RARB: variants seen among roughly 807,000 people sequenced by gnomAD.
RARB encodes retinoic acid receptor beta.
RARB carries 17 observed loss-of-function variants against 51.9 expected under a neutral mutation model. That is an observed-to-expected ratio of 0.33 (90% CI 0.22 to 0.49). The LOEUF (loss-of-function observed/expected upper bound fraction) is 0.49, where lower values mean the gene tolerates loss of function less well. Ranked by LOEUF, RARB falls within the 20% of genes least tolerant of loss-of-function variation. The pLI is 0.99. For missense variants in RARB, 369 were observed against 550.8 expected (o/e 0.67, Z 3.30); for synonymous variants, 215 against 195.4 (o/e 1.10, Z -0.84).
chr3:25,529,619 A>T (rs1392583249), intron 3 of RARB, among the ~76,000 whole-genome samples: 1 of 152,150 alleles, frequency 6.6e-6, no homozygotes, highest in Admixed American at 6.5e-5. Flanking sequence ...GGAAAACATG[A>T]TATGCTTTGT....
intron 5 of RARB, among the ~76,000 whole-genome samples, chr3:25,202,874 A>G (rs980708003): frequency 2.1e-4 from 32 of 152,194 alleles, no homozygotes; most frequent in Non-Finnish European, 3.1e-4. Context: ...CAATTTTGGA[A>G]TAACTGCAAT....
chr3:25,182,965 A>G (rs190553268), intron 5 of RARB, among the ~76,000 whole-genome samples: 18 of 152,102 alleles, frequency 1.2e-4, no homozygotes, highest in African/African-American at 4.1e-4. Context: ...ACCAGGAGCT[A>G]GGAGAGAGAC....
intron 3 of RARB, among the ~76,000 whole-genome samples, chr3:25,078,049 T>C (rs1450861884): frequency 2.6e-5 from 4 of 152,290 alleles, no homozygotes; most frequent in African/African-American, 7.2e-5. Context: ...CCAGAGTTTA[T>C]ACATTCTAGA....
chr3:25,258,308 A>G (rs986717719), intron 5 of RARB, among the ~76,000 whole-genome samples: 4 of 152,140 alleles, frequency 2.6e-5, no homozygotes, highest in African/African-American at 7.2e-5. Flanking sequence ...TAATCACCCC[A>G]AAGTGATGAT....
At chr3:25,147,789 G>A (rs1295766491) in intron 4 of RARB, among the ~76,000 whole-genome samples, 8 of 152,208 alleles carry the variant, frequency 5.3e-5, no homozygotes, top group Non-Finnish European at 1.2e-4. Context: ...CTGGACATGT[G>A]ACATGGTTCT....
intron 2 of RARB, among the ~76,000 whole-genome samples, chr3:24,945,597 A>T (rs974973854): frequency 2.0e-5 from 3 of 152,224 alleles, no homozygotes; most frequent in African/African-American, 7.2e-5. Context: ...CTGAAGAAAG[A>T]TGACTTCTTT....
intron 5 of RARB, among the ~76,000 whole-genome samples, chr3:25,175,353 A>G (rs1700722743): frequency 6.6e-6 from 1 of 152,228 alleles, no homozygotes; most frequent in African/African-American, 2.4e-5. Context: ...ATTTAACAAC[A>G]GGCATCCACA....
chr3:25,326,839 T>A lies in RARB; in HGVS notation c.179-134354T>A, dbSNP rs28735707. 9.6e-4 allele frequency among the ~76,000 whole-genome samples: 142 copies of A among 148,326 alleles called. 1 individual carries two copies. The highest frequency in any genetic ancestry group is 1.2e-3 in the Admixed American group (18 of 14,872). On this transcript the variant is annotated intron_variant, in intron 5 of 11. Coordinates refer to the RARB transcript ENST00000383772. The stretch of plus-strand genomic sequence containing the variant: ...AAAAAGACACAGGGATTTTTTTTTT[T>A]AATTTTATTATTATTATACTTTAAC...
At chr3:25,152,495 G>T (rs1700303371) in intron 4 of RARB, among the ~76,000 whole-genome samples, 1 of 152,082 alleles carries the variant, frequency 6.6e-6, no homozygotes, top group African/African-American at 2.4e-5. Flanking sequence ...GAACTAAAAT[G>T]TAGTAAACTA....
At chr3:25,338,267 G>A (rs1344295883) in intron 5 of RARB, among the ~76,000 whole-genome samples, 2 of 152,156 alleles carry the variant, frequency 1.3e-5, no homozygotes, top group Non-Finnish European at 2.9e-5. Context: ...CATCCCATGG[G>A]AGAGCAAGAG....
chr3:24,872,061 G>C (rs935658732), intron 2 of RARB, among the ~76,000 whole-genome samples: 11 of 152,242 alleles, frequency 7.2e-5, no homozygotes, highest in African/African-American at 2.6e-4. Context: ...TAGAGAGTAA[G>C]TTAGGTCATG....
At chr3:24,954,109 T>C (rs1489783349) in intron 2 of RARB, among the ~76,000 whole-genome samples, 2 of 152,234 alleles carry the variant, frequency 1.3e-5, no homozygotes, top group Non-Finnish European at 2.9e-5. Flanking sequence ...CTCATTGTTT[T>C]CTGTTCCTGC....
intron 1 of RARB, among the ~76,000 whole-genome samples, chr3:24,855,712 C>T (rs1467675873): frequency 6.7e-6 from 1 of 150,366 alleles, no homozygotes; most frequent in Non-Finnish European, 1.5e-5. Context: ...GATTTTCGGT[C>T]TCAGCCTTCC....
chr3:25,413,291 A>G (rs1473186971), intron 5 of RARB, among the ~76,000 whole-genome samples: 1 of 151,924 alleles, frequency 6.6e-6, no homozygotes, highest in Non-Finnish European at 1.5e-5. Context: ...CATTCACTCT[A>G]TTGCACATGG....
chr3:25,170,501 T>G (rs934809892), intron 4 of RARB, among the ~76,000 whole-genome samples: 2 of 152,158 alleles, frequency 1.3e-5, no homozygotes, highest in Non-Finnish European at 2.9e-5. Context: ...ATGCTGATGT[T>G]GCCAGCTGAG....
At chr3:25,524,249 C>T (rs550809228) in intron 3 of RARB, among the ~76,000 whole-genome samples, 7 of 152,258 alleles carry the variant, frequency 4.6e-5, no homozygotes, top group African/African-American at 1.2e-4. Flanking sequence ...CTCCAGAAGA[C>T]GTACAACCAA....
chr3:25,269,570 A>G (rs761690584), intron 5 of RARB, among the ~76,000 whole-genome samples: 4 of 152,216 alleles, frequency 2.6e-5, no homozygotes, highest in African/African-American at 9.6e-5. Context: ...AAGATCCAGT[A>G]AGTTAATACA....
At chr3:24,942,871 C>T (rs1695697921) in intron 2 of RARB, among the ~76,000 whole-genome samples, 1 of 152,070 alleles carries the variant, frequency 6.6e-6, no homozygotes, top group East Asian at 1.9e-4. Flanking sequence ...AAACCTGGCT[C>T]CATCATTTAG....
chr3:25,038,827 CCTCTGGGTATGAT>C (rs1465673366), intron 2 of RARB, among the ~76,000 whole-genome samples: 1 of 152,124 alleles, frequency 6.6e-6, no homozygotes, highest in Non-Finnish European at 1.5e-5. Flanking sequence ...TTATTGCCAA[CCTCTGGGTATGAT>C]TTGAAAAGAC....
Sources: allele counts gnomAD v4.1 joint callset (sites outside exome capture counted in the v4.1 genomes callset), GRCh38; gene constraint gnomAD v4.1.1; transcripts MANE v1.5; gene names NCBI Gene and HGNC (gene_info 2026-07-23, HGNC 2026-07-21).